DOK7: variants seen among roughly 807,000 people sequenced by gnomAD.
The protein encoded by DOK7 is protein Dok-7.
Under a neutral mutation model 30.7 loss-of-function variants are expected in DOK7, and 32 were observed. The ratio of observed to expected loss-of-function variants is 1.04; its 90% CI spans 0.79 to 1.40. The LOEUF (loss-of-function observed/expected upper bound fraction) is 1.40, where lower values mean the gene tolerates loss of function less well. DOK7 is among the 40% of genes most tolerant of loss of function. The pLI is 0.00. For synonymous variants in DOK7, 447 were observed against 324.1 expected (o/e 1.38, Z -4.07); for missense variants, 1,007 against 699.2 (o/e 1.44, Z -4.97).
At chr4:3,490,379 C>G (rs1339123066) in intron 6 of DOK7, among the ~76,000 whole-genome samples, 1 of 46,088 alleles carries the variant, frequency 2.2e-5, no homozygotes, top group Non-Finnish European at 3.8e-5. Context: ...TCCTTCCCCC[C>G]ACCCCCTGCT....
intron 4 of DOK7, among the ~76,000 whole-genome samples, chr4:3,478,134 C>T (rs1727214730): frequency 6.6e-6 from 1 of 152,198 alleles, no homozygotes; most frequent in Non-Finnish European, 1.5e-5. Flanking sequence ...TGTGGAATTC[C>T]TTGGCACGGG....
In DOK7 at chr4:3,488,544, G is replaced by A. The variant is rs1003834103; in HGVS notation, c.653-1133G>A. On this transcript the variant is annotated intron_variant, in intron 5 of 6. Transcript: ENST00000340083. ...GCCTCCGCCAGGCTGGGTTCTGTCCGCTGAGGCTCTGATCTAGGTGTCCCA... is the reference window on the plus strand; with the variant it reads ...GCCTCCGCCAGGCTGGGTTCTGTCCACTGAGGCTCTGATCTAGGTGTCCCA... Among the ~76,000 whole-genome samples, 18 of 152,334 alleles carry A rather than the reference G, an allele frequency of 1.2e-4. No individual in the cohort carries two copies. The East Asian group carries it at 2.7e-3, about 23-fold the overall frequency.
intron 2 of DOK7, among the ~76,000 whole-genome samples, chr4:3,464,519 C>T (rs777629545): frequency 3.3e-5 from 5 of 152,210 alleles, no homozygotes; most frequent in East Asian, 1.9e-4. Context: ...CTTTGTCCTC[C>T]GGGGCTGCAG....
At chr4:3,500,937 C>G in exon 8 of DOK7, 1 of 1,414,104 alleles carries the variant, frequency 7.1e-7, no homozygotes, top group Admixed American at 2.9e-5. Context: ...AGCTCCCAGT[C>G]GCAGGAGCAG....
downstream of DOK7, among the ~76,000 whole-genome samples, chr4:3,497,319 C>T (rs1577190800): frequency 6.6e-6 from 1 of 151,930 alleles, no homozygotes; most frequent in East Asian, 1.9e-4. Flanking sequence ...GCGGTGGGGG[C>T]CTGTGGAGGC....
At position 3,485,596 on chromosome 4, in the gene DOK7, A is replaced by G. The variant is rs1186908741; in HGVS notation, c.590A>G (p.Asp197Gly). ...AEGEQISFLF[D>G]CIVRGISPTK... ...GGGGAGCAGATCAGCTTCCTGTTCG[A>G]CTGCATCGTCCGAGGCATCTCCCCC... The change falls in exon 5 of 7, where the codon GAC becomes GGC. Residue 197 changes from aspartate to glycine, a missense_variant. Transcript: ENST00000340083. 6.2e-7 allele frequency: 1 copy of G among 1,606,838 alleles called. No individual in the cohort carries two copies. Among genetic ancestry groups the G allele is most frequent in the Admixed American group, 1.7e-5 (1 of 59,574 alleles).
intron 6 of DOK7, among the ~76,000 whole-genome samples, chr4:3,491,954 C>T (rs552072636): frequency 6.6e-6 from 1 of 152,266 alleles, no homozygotes; most frequent in East Asian, 1.9e-4. Flanking sequence ...GCTTGTCCCC[C>T]AGAGGGCACC....
At position 3,489,755 on chromosome 4, in the gene DOK7, G is replaced by C; in HGVS notation, c.731G>C (p.Arg244Pro). ...EALETLQLEK[R>P]LSLLSHAGRP... The stretch of plus-strand genomic sequence containing the variant: ...CTGGAAACCCTACAGCTGGAGAAGC[G>C]GCTGAGCCTCCTCTCACATGCGGGC... Residue 244 changes from arginine (R) to proline (P), a missense_variant, in exon 6 of 7, where the codon CGG becomes CCG. Physicochemically the swap from Arg to Pro is moderately radical, Grantham distance 103. Coordinates refer to ENST00000340083, the MANE Select transcript of DOK7 (RefSeq NM_173660.5). 2 of 1,571,596 alleles carry C rather than the reference G, an allele frequency of 1.3e-6. No homozygotes were observed. Among genetic ancestry groups the C allele is most frequent in the Non-Finnish European group, 1.7e-6 (2 of 1,158,306 alleles).
At chr4:3,487,155 C>G (rs1291286654) in intron 5 of DOK7, among the ~76,000 whole-genome samples, 3 of 152,230 alleles carry the variant, frequency 2.0e-5, no homozygotes, top group African/African-American at 7.2e-5. Context: ...GCTCTGTTGT[C>G]AGGGCCTCGG....
intron 6 of DOK7, among the ~76,000 whole-genome samples, chr4:3,491,155 T>C (rs1728378178): frequency 1.0e-5 from 1 of 96,796 alleles, no homozygotes; most frequent in Non-Finnish European, 2.0e-5. Flanking sequence ...ATTCCTTCCT[T>C]CCTTCTTCCT....
chr4:3,490,418 C>CT (rs1728229342), intron 6 of DOK7, among the ~76,000 whole-genome samples: 1 of 17,474 alleles, frequency 5.7e-5, no homozygotes, highest in Admixed American at 5.3e-4. Flanking sequence ...CCCCCCCCAC[C>CT]GCCCCGCTCA....
chr4:3,466,644 G>C (rs974114140), intron 2 of DOK7, among the ~76,000 whole-genome samples: 8 of 152,228 alleles, frequency 5.3e-5, no homozygotes, highest in African/African-American at 1.9e-4. Context: ...CGTCAGGACA[G>C]GGAATCAGAG....
At chr4:3,484,965 CTTCTCCTGTG>C (rs1727672638) in intron 4 of DOK7, 1 of 832,562 alleles carries the variant, frequency 1.2e-6, no homozygotes, top group African/African-American at 1.8e-5. Flanking sequence ...GCACAGCTCC[CTTCTCCTGTG>C]GCCTTGGAGC....
At position 3,493,661 on chromosome 4, in the gene DOK7, C is replaced by T; in HGVS notation, c.*160C>T. 6.9e-7 allele frequency: 1 copy of T among 1,455,282 alleles called. No individual in the cohort carries two copies. The highest frequency in any genetic ancestry group is 9.1e-7 in the Non-Finnish European group (1 of 1,103,030). 90.1% of individuals were successfully genotyped at this position (1,455,282 alleles called of 1,614,324 possible). On this transcript the variant is annotated 3_prime_UTR_variant, in exon 7 of 7. Coordinates refer to ENST00000340083, the MANE Select transcript of DOK7 (RefSeq NM_173660.5). ...GCTGGAGGGCGCGCCCTGTGGCTGC[C>T]ACCGGAGGAAGGGGCTGACTTGGGG... is the stretch of plus-strand genomic sequence containing the variant.
intron 6 of DOK7, among the ~76,000 whole-genome samples, chr4:3,499,600 G>A (rs528952242): frequency 1.3e-5 from 2 of 152,246 alleles, no homozygotes; most frequent in Admixed American, 1.3e-4. Flanking sequence ...GCCCTCCCCA[G>A]CACCAATGGG....
At chr4:3,494,587 T>C (rs1728793777), downstream of DOK7, 3 of 922,052 alleles carry the variant, frequency 3.3e-6, no homozygotes, top group Non-Finnish European at 3.9e-6. Context: ...TTCCCTGGCC[T>C]TTATCTCAGA....
rs763666945 is a variant in DOK7 at position 3,493,074 on chromosome 4, G to T, written c.1088G>T (p.Trp363Leu). 1.9e-6 allele frequency: 3 copies of T among 1,575,832 alleles called. No individual in the cohort carries two copies. The highest frequency in any genetic ancestry group is 1.8e-5 in the Admixed American group (1 of 55,390). The part of the protein sequence containing the change: ...SSYAGSSLDV[W>L]RATDELGSLL... ...TACGCGGGCAGCAGCCTGGACGTGTGGCGGGCCACAGATGAACTGGGCTCA... is the reference window on the plus strand; with the variant it reads ...TACGCGGGCAGCAGCCTGGACGTGTTGCGGGCCACAGATGAACTGGGCTCA... The change falls in exon 7 of 7, where the codon TGG (tryptophan) becomes TTG (leucine). Residue 363 changes from tryptophan to leucine, a missense_variant. Transcript: ENST00000340083.
At chr4:3,475,137 C>T (rs1726988756) in intron 3 of DOK7, among the ~76,000 whole-genome samples, 1 of 152,156 alleles carries the variant, frequency 6.6e-6, no homozygotes. Flanking sequence ...GTGCGGTTGG[C>T]TCTGCAGGAG....
downstream of DOK7, among the ~76,000 whole-genome samples, chr4:3,497,290 G>A (rs2109437642): frequency 6.6e-6 from 1 of 152,192 alleles, no homozygotes; most frequent in African/African-American, 2.4e-5. Flanking sequence ...TCAGGGAGGA[G>A]GGGCTGTGTC....
Sources: gnomAD v4.1 joint callset for allele counts (sites outside exome capture counted in the v4.1 genomes callset) on GRCh38, gnomAD v4.1.1 for gene constraint, MANE v1.5 for transcripts, NCBI Gene and HGNC (gene_info 2026-07-23, HGNC 2026-07-21) for gene names.